RGS6: variants seen among roughly 807,000 people sequenced by gnomAD.
RGS6 encodes regulator of G-protein signaling 6.
RGS6 carries 30 observed loss-of-function variants against 78.5 expected under a neutral mutation model. That is an observed-to-expected ratio of 0.38 (90% confidence interval 0.29 to 0.52). RGS6 has a LOEUF of 0.52. RGS6 is among the 20% of genes least tolerant of loss of function. RGS6 has a pLI of 0.85. For synonymous variants in RGS6, 206 were observed against 206.0 expected (o/e 1.00, Z 0.00); for missense variants, 495 against 609.7 (o/e 0.81, Z 1.98).
chr14:71,944,888 T>C (rs1409306753), intron 1 of RGS6, among the ~76,000 whole-genome samples: 1 of 152,184 alleles, frequency 6.6e-6, no homozygotes, highest in East Asian at 1.9e-4. Flanking sequence ...GGTATAGTGC[T>C]CCTAGGCTAC....
intron 2 of RGS6, among the ~76,000 whole-genome samples, chr14:72,045,196 A>G (rs978542314): frequency 6.6e-6 from 1 of 152,202 alleles, no homozygotes; most frequent in Non-Finnish European, 1.5e-5. Flanking sequence ...CCTAATACAC[A>G]TATTAATCAT....
At chr14:72,237,420 A>G (rs1038202035) in intron 2 of RGS6, among the ~76,000 whole-genome samples, 1 of 152,294 alleles carries the variant, frequency 6.6e-6, no homozygotes, top group South Asian at 2.1e-4. Context: ...CAATGAATGT[A>G]TATATTGCCC....
intron 14 of RGS6, among the ~76,000 whole-genome samples, chr14:72,513,002 G>C (rs2153451534): frequency 6.6e-6 from 1 of 152,318 alleles, no homozygotes; most frequent in Middle Eastern, 3.4e-3. Context: ...CTGCCAACCT[G>C]TCATGTTGGC....
chr14:71,916,259 T>C, the RGS6 span, among the ~76,000 whole-genome samples: 1 of 152,178 alleles, frequency 6.6e-6, no homozygotes, highest in African/African-American at 2.4e-5. Context: ...TGGAAAGAGC[T>C]GAATCAAACT....
chr14:72,559,081 C>A (rs1183817275), intron 17 of RGS6, among the ~76,000 whole-genome samples: 1 of 152,232 alleles, frequency 6.6e-6, no homozygotes, highest in Non-Finnish European at 1.5e-5. Context: ...CACAGGCAGG[C>A]AGAATTACCA....
chr14:72,253,845 G>A (rs1461766434), intron 2 of RGS6, among the ~76,000 whole-genome samples: 1 of 152,204 alleles, frequency 6.6e-6, no homozygotes, highest in Non-Finnish European at 1.5e-5. Flanking sequence ...CCACTAAGAT[G>A]TATGGGGTGT....
At chr14:72,314,817 A>G (rs1236683118) in intron 2 of RGS6, among the ~76,000 whole-genome samples, 2 of 152,248 alleles carry the variant, frequency 1.3e-5, no homozygotes, top group Non-Finnish European at 2.9e-5. Flanking sequence ...GGTTCCTGAG[A>G]GAGAACTTTC....
chr14:72,464,994 G>C (rs1474930995), intron 6 of RGS6, among the ~76,000 whole-genome samples: 1 of 152,176 alleles, frequency 6.6e-6, no homozygotes, highest in Non-Finnish European at 1.5e-5. Flanking sequence ...CATGGTCAAG[G>C]ACATGTAGAT....
chr14:72,425,605 AT>A (rs1410130210), intron 3 of RGS6, among the ~76,000 whole-genome samples: 2 of 152,216 alleles, frequency 1.3e-5, no homozygotes, highest in African/African-American at 4.8e-5. Flanking sequence ...AAACATAGTT[AT>A]TTTCCTAAAT....
chr14:72,405,097 A>T (rs2092804123), intron 3 of RGS6, among the ~76,000 whole-genome samples: 2 of 152,182 alleles, frequency 1.3e-5, no homozygotes. Flanking sequence ...GACAATCAGA[A>T]TTGTTTCAAA....
At chr14:72,195,147 G>T (rs1227508253) in intron 2 of RGS6, among the ~76,000 whole-genome samples, 1 of 152,052 alleles carries the variant, frequency 6.6e-6, no homozygotes, top group Non-Finnish European at 1.5e-5. Flanking sequence ...GTCAGAGGTT[G>T]CAGTGAGCCG....
intron 2 of RGS6, among the ~76,000 whole-genome samples, chr14:72,292,378 C>G (rs933606628): frequency 6.6e-6 from 1 of 152,144 alleles, no homozygotes; most frequent in African/African-American, 2.4e-5. Context: ...CTGCCAAGGA[C>G]AGAGGAGACT....
chr14:72,294,169 T>G (rs1409992322), intron 2 of RGS6, among the ~76,000 whole-genome samples: 1 of 152,210 alleles, frequency 6.6e-6, no homozygotes, highest in Non-Finnish European at 1.5e-5. Context: ...CATTTCCTAA[T>G]GGATTAGGGT....
chr14:71,997,516 A>C (rs2095248697), intron 2 of RGS6, among the ~76,000 whole-genome samples: 2 of 152,228 alleles, frequency 1.3e-5, no homozygotes, highest in African/African-American at 4.8e-5. Context: ...ATTGTTCTGA[A>C]GAGCTAGCTT....
At chr14:72,172,485 CAT>C (rs1365098360) in intron 2 of RGS6, among the ~76,000 whole-genome samples, 2 of 152,014 alleles carry the variant, frequency 1.3e-5, no homozygotes, top group African/African-American at 2.4e-5. Context: ...TATTTGTAAA[CAT>C]GTGTTATGTA....
At chr14:72,105,988 A>G (rs1157541460) in intron 2 of RGS6, among the ~76,000 whole-genome samples, 1 of 152,230 alleles carries the variant, frequency 6.6e-6, no homozygotes, top group African/African-American at 2.4e-5. Context: ...TCCCAAGGAC[A>G]TTCCAACTGT....
At chr14:72,150,331 C>T (rs1024546879) in intron 2 of RGS6, among the ~76,000 whole-genome samples, 1 of 152,076 alleles carries the variant, frequency 6.6e-6, no homozygotes, top group Non-Finnish European at 1.5e-5. Flanking sequence ...TCAGAGGGAG[C>T]GTGACCCTGT....
At chr14:72,273,543 T>C (rs562584139) in intron 2 of RGS6, among the ~76,000 whole-genome samples, 37 of 152,316 alleles carry the variant, frequency 2.4e-4, no homozygotes, top group Non-Finnish European at 4.4e-4. Flanking sequence ...AGCTGTTGAA[T>C]AGTGCAAGGG....
At chr14:72,064,806 A>G (rs188886227) in intron 2 of RGS6, among the ~76,000 whole-genome samples, 2 of 152,332 alleles carry the variant, frequency 1.3e-5, no homozygotes, top group South Asian at 2.1e-4. Flanking sequence ...AAATCTCTCT[A>G]CTGTTTATCA....
Sources: gnomAD v4.1 joint callset for allele counts (sites outside exome capture counted in the v4.1 genomes callset) on GRCh38, gnomAD v4.1.1 for gene constraint, MANE v1.5 for transcripts, NCBI Gene and HGNC (gene_info 2026-07-23, HGNC 2026-07-21) for gene names.